Variants in DENND1A observed in about 807,000 individuals in gnomAD.
DENND1A encodes the protein DENN domain-containing protein 1A.
Under a neutral mutation model 113.7 loss-of-function variants are expected in DENND1A, and 51 were observed. The ratio of observed to expected loss-of-function variants is 0.45; its 90% CI spans 0.36 to 0.57. The LOEUF is 0.57. DENND1A is among the 20% of genes least tolerant of loss of function. The pLI, the probability that DENND1A is intolerant of heterozygous loss-of-function variation, is 0.00. For synonymous variants in DENND1A, 565 were observed against 570.8 expected, an observed-to-expected ratio of 0.99 and a Z score of 0.14; for missense variants, 1,258 against 1,395.9, an observed-to-expected ratio of 0.90 and a Z score of 1.57.
intron 19 of DENND1A, among the ~76,000 whole-genome samples, chr9:123,426,692 C>T (rs1327331883): frequency 6.6e-6 from 1 of 152,194 alleles, no homozygotes; most frequent in Non-Finnish European, 1.5e-5. Flanking sequence ...TTCTGTTCCT[C>T]TTTGTGTATT....
intron 2 of DENND1A, among the ~76,000 whole-genome samples, chr9:123,855,152 T>C (rs1843973093): frequency 6.6e-6 from 1 of 151,350 alleles, no homozygotes; most frequent in Non-Finnish European, 1.5e-5. Context: ...CTGAATGAGA[T>C]ATTTTTAAAT....
At chr9:123,869,293 A>T (rs1846194439) in intron 2 of DENND1A, among the ~76,000 whole-genome samples, 1 of 152,220 alleles carries the variant, frequency 6.6e-6, no homozygotes, top group Non-Finnish European at 1.5e-5. Flanking sequence ...TGCAAGCAAG[A>T]CATAATCTCT....
chr9:123,490,057 T>C (rs759889888), intron 13 of DENND1A, among the ~76,000 whole-genome samples: 4 of 152,206 alleles, frequency 2.6e-5, no homozygotes, highest in Non-Finnish European at 5.9e-5. Flanking sequence ...GGGACAATTG[T>C]GAATTCCTAC....
At position 123,415,265 on chromosome 9, in the gene DENND1A, G is replaced by A. The variant is rs923897460; in HGVS notation, c.1489-3436C>T. ...AGTTTTCCCTGCGGGTTGTCGGCAC[G>A]AGGGGATCCTGTCACCAGAGGAAAC... On this transcript the variant is annotated intron_variant, in intron 19 of 23. Coordinates refer to ENST00000394215, the MANE Select transcript of DENND1A (RefSeq NM_001352964.2). Among the ~76,000 whole-genome samples, 7 of 152,174 alleles carry A rather than the reference G, an allele frequency of 4.6e-5. No homozygotes were observed. The East Asian group carries it at 9.6e-4, about 21-fold the overall frequency.
chr9:123,719,484 T>C (rs1017176604), intron 5 of DENND1A, among the ~76,000 whole-genome samples: 1 of 152,224 alleles, frequency 6.6e-6, no homozygotes, highest in African/African-American at 2.4e-5. Context: ...ACATCTATTA[T>C]CTTGTTTAAT....
chr9:123,833,783 G>A (rs370776077), intron 2 of DENND1A, among the ~76,000 whole-genome samples: 10 of 152,202 alleles, frequency 6.6e-5, no homozygotes, highest in South Asian at 2.1e-4. Flanking sequence ...GCTTCAGGCC[G>A]GGCACAGAGG....
At chr9:123,887,065 AAC>A (rs1471645920) in intron 1 of DENND1A, among the ~76,000 whole-genome samples, 1 of 152,230 alleles carries the variant, frequency 6.6e-6, no homozygotes, top group African/African-American at 2.4e-5. Context: ...TGTGCAGTAC[AAC>A]ACACAGTGTT....
chr9:123,399,574 C>G (rs1358812578), intron 21 of DENND1A, among the ~76,000 whole-genome samples: 1 of 152,170 alleles, frequency 6.6e-6, no homozygotes, highest in African/African-American at 2.4e-5. Flanking sequence ...GAATGTCATT[C>G]CTCTTTCCTT....
At chr9:123,928,781 G>A in intron 1 of DENND1A, 5 of 985,412 alleles carry the variant, frequency 5.1e-6, no homozygotes, top group Non-Finnish European at 6.0e-6. Flanking sequence ...TCACCCTTAA[G>A]GCCCTTCTCC....
chr9:123,849,628 G>A (rs181450576), intron 2 of DENND1A, among the ~76,000 whole-genome samples: 133 of 152,284 alleles, frequency 8.7e-4, no homozygotes, highest in Non-Finnish European at 3.2e-4. Context: ...CTGGATCAAG[G>A]AGTAATTTTG....
intron 12 of DENND1A, among the ~76,000 whole-genome samples, chr9:123,575,511 G>A (rs2058588455): frequency 6.6e-6 from 1 of 152,214 alleles, no homozygotes; most frequent in Non-Finnish European, 1.5e-5. Flanking sequence ...GAATACCACA[G>A]AAGTGAAATA....
Position 123,382,362 on chromosome 9 carries a change from G to T in DENND1A, c.2283C>A (p.Pro761=), listed in dbSNP as rs149511328. ...PTPTLGSITI[P]RPQGRKTPEL... The stretch of plus-strand genomic sequence containing the variant: ...CTGGGGTCTTCCTGCCTTGGGGCCG[G>T]GGGATGGTGATGCTGCCCAGAGTAG... Residue 761 remains proline (P), a synonymous_variant, in exon 24 of 24, where the codon CCC becomes CCA. Transcript: ENST00000394215. 2 of 1,601,062 alleles carry T rather than the reference G, an allele frequency of 1.2e-6. No individual in the cohort carries two copies. Among genetic ancestry groups the T allele is most frequent in the Non-Finnish European group, 1.7e-6 (2 of 1,173,740 alleles).
intron 20 of DENND1A, among the ~76,000 whole-genome samples, chr9:123,408,453 C>T (rs1051986827): frequency 6.6e-6 from 1 of 152,166 alleles, no homozygotes; most frequent in African/African-American, 2.4e-5. Context: ...ACATACACAA[C>T]CTCATTACCT....
chr9:123,596,959 G>C (rs1305852012), intron 11 of DENND1A, among the ~76,000 whole-genome samples: 1 of 152,144 alleles, frequency 6.6e-6, no homozygotes, highest in Non-Finnish European at 1.5e-5. Context: ...AACGTGTCTG[G>C]CAGTAGTTCA....
At chr9:123,922,953 A>C (rs1856517478) in intron 1 of DENND1A, among the ~76,000 whole-genome samples, 1 of 152,220 alleles carries the variant, frequency 6.6e-6, no homozygotes, top group Admixed American at 6.5e-5. Context: ...TACGGATTCC[A>C]ATAAAAGTAG....
Position 123,520,147 on chromosome 9 carries a change from C to CCAAA in DENND1A, c.993+37422_993+37423insTTTG, listed in dbSNP as rs1554853704. 5.5e-3 allele frequency among the ~76,000 whole-genome samples: 205 copies of CCAAA among 37,314 alleles called. 39 individuals carry two copies. The highest frequency in any genetic ancestry group is 0.011 in the African/African-American group (146 of 12,812). 24.5% of individuals were successfully genotyped at this position (37,314 alleles called of 152,430 possible). ...TGGGAAACAGAGCAAGATCCTGTCT[C>CCAAA]AAAAAAAAAAAAAAAAAAAAAAAAA... On this transcript the variant is annotated intron_variant, in intron 13 of 23. Coordinates refer to ENST00000394215, the MANE Select transcript of DENND1A (RefSeq NM_001352964.2).
At chr9:123,773,130 C>G (rs1020937095) in intron 3 of DENND1A, among the ~76,000 whole-genome samples, 1 of 152,026 alleles carries the variant, frequency 6.6e-6, no homozygotes, top group Non-Finnish European at 1.5e-5. Flanking sequence ...GAAATAAGAG[C>G]AGAGGGGGCA....
At chr9:123,821,634 A>G (rs7038733) in intron 2 of DENND1A, among the ~76,000 whole-genome samples, 1,647 of 152,356 alleles carry the variant, frequency 0.011, 36 homozygotes, top group African/African-American at 0.036. Flanking sequence ...ATGAGATTTC[A>G]TAAGAGTCCC....
At chr9:123,382,723 G>T (rs4836919) in intron 23 of DENND1A, 98 bp from the exon 24 acceptor site, 173,907 of 1,302,132 alleles carry the variant, frequency 0.13, 14,453 homozygotes, top group Admixed American at 0.34. Context: ...TGTGTGCTGG[G>T]CCTAGTTGTG....
Sources: gnomAD v4.1 joint callset for allele counts (sites outside exome capture counted in the v4.1 genomes callset) on GRCh38, gnomAD v4.1.1 for gene constraint, MANE v1.5 for transcripts, NCBI Gene and HGNC (gene_info 2026-07-23, HGNC 2026-07-21) for gene names.